The following SPAST variants were observed in gnomAD, a reference collection of about 807,000 sequenced individuals.
The protein encoded by SPAST is spastic paraplegia 4 (autosomal dominant; spastin).
Under a neutral mutation model 76.6 loss-of-function variants are expected in SPAST, and 30 were observed. The ratio of observed to expected loss-of-function variants is 0.39; its 90% CI spans 0.29 to 0.53. The LOEUF is 0.53. Ranked by LOEUF, SPAST falls within the 20% of genes least tolerant of loss-of-function variation. The probability of loss-of-function intolerance (pLI) is 0.68; values close to 1 mark genes in which losing one functional copy is unlikely to be tolerated. For synonymous variants in SPAST, 305 were observed against 281.0 expected, an observed-to-expected ratio of 1.09 and a Z score of -0.86; for missense variants, 717 against 770.5, an observed-to-expected ratio of 0.93 and a Z score of 0.82.
At chr2:32,075,045 T>G (rs1227154572) in intron 1 of SPAST, among the ~76,000 whole-genome samples, 2 of 152,138 alleles carry the variant, frequency 1.3e-5, no homozygotes, top group African/African-American at 2.4e-5. Flanking sequence ...AGAACATTGT[T>G]AACTCTTCGT....
chr2:32,151,866 G>A (rs891713668), intron 16 of SPAST, among the ~76,000 whole-genome samples: 3 of 150,332 alleles, frequency 2.0e-5, no homozygotes, highest in South Asian at 2.1e-4. Context: ...AGCTGAGATC[G>A]TACCACTGCA....
intron 3 of SPAST, among the ~76,000 whole-genome samples, chr2:32,090,145 G>C (rs980104947): frequency 6.6e-6 from 1 of 152,180 alleles, no homozygotes. Context: ...TTTATACCAA[G>C]GGCTAGCAAA....
chr2:32,148,774 G>A (rs1679978666), intron 16 of SPAST, among the ~76,000 whole-genome samples: 1 of 149,868 alleles, frequency 6.7e-6, no homozygotes, highest in Admixed American at 6.7e-5. Context: ...TCGTGCCACT[G>A]CACTCCAGCC....
intron 4 of SPAST, among the ~76,000 whole-genome samples, chr2:32,104,942 T>C (rs987642758): frequency 1.3e-5 from 2 of 152,222 alleles, no homozygotes; most frequent in South Asian, 2.1e-4. Flanking sequence ...GGAGTTGCTC[T>C]TCTTGAGTAG....
At chr2:32,083,741 T>TTA in intron 1 of SPAST, among the ~76,000 whole-genome samples, 1 of 57,142 alleles carries the variant, frequency 1.8e-5, no homozygotes, top group Non-Finnish European at 3.2e-5. Context: ...CTATATATAT[T>TTA]TATATATACT....
At chr2:32,079,104 G>C (rs550505163) in intron 1 of SPAST, among the ~76,000 whole-genome samples, 1 of 152,072 alleles carries the variant, frequency 6.6e-6, no homozygotes, top group Non-Finnish European at 1.5e-5. Flanking sequence ...GCCTCCCGAA[G>C]TGTTGAGAGA....
chr2:32,130,082 G>C (rs557850011), intron 9 of SPAST: 3 of 152,436 alleles, frequency 2.0e-5, no homozygotes, highest in East Asian at 3.9e-4. Context: ...GATTGCTTGA[G>C]GCCAGGAGTT....
chr2:32,110,105 TTTTTTTTTTTTGTTTTTTTTG>T (rs1678488894), intron 4 of SPAST, among the ~76,000 whole-genome samples: 1 of 51,168 alleles, frequency 2.0e-5, no homozygotes, highest in Admixed American at 2.0e-4. Context: ...GTTTTTTTTG[TTTTTTTTTTTTGTTTTTTTTG>T]TTTTTTTTTG....
At chr2:32,091,110 G>A (rs1677696758) in intron 3 of SPAST, among the ~76,000 whole-genome samples, 1 of 151,826 alleles carries the variant, frequency 6.6e-6, no homozygotes, top group Non-Finnish European at 1.5e-5. Context: ...ACATATGAGT[G>A]GCTCTACCAT....
At chr2:32,148,810 CAA>C (rs372253559) in intron 16 of SPAST, among the ~76,000 whole-genome samples, 6 of 120,642 alleles carry the variant, frequency 5.0e-5, no homozygotes, top group Non-Finnish European at 8.7e-5. Context: ...GACTCCATCT[CAA>C]AAAAAAAAAA....
intron 15 of SPAST, among the ~76,000 whole-genome samples, chr2:32,147,006 T>C (rs1679908719): frequency 6.6e-6 from 1 of 152,096 alleles, no homozygotes; most frequent in Non-Finnish European, 1.5e-5. Context: ...TGCAAGAAAT[T>C]GAACACTTTC....
At chr2:32,095,090 G>A (rs928184147) in intron 3 of SPAST, among the ~76,000 whole-genome samples, 2 of 152,208 alleles carry the variant, frequency 1.3e-5, no homozygotes, top group African/African-American at 4.8e-5. Flanking sequence ...AGAGCAATTA[G>A]GACACTGTTA....
intron 8 of SPAST, chr2:32,128,109 G>A (rs1406171248): frequency 8.6e-6 from 3 of 347,616 alleles, no homozygotes; most frequent in Non-Finnish European, 1.6e-5. Context: ...ATTCTGCCAC[G>A]TCAGCTTCCT....
chr2:32,072,994 C>G (rs1676812771), intron 1 of SPAST, among the ~76,000 whole-genome samples: 2 of 152,232 alleles, frequency 1.3e-5, no homozygotes, highest in African/African-American at 4.8e-5. Context: ...CACATTTTTT[C>G]TCAAGATTAT....
At chr2:32,081,781 CAAAAAAAAAAAA>C (rs34078147) in intron 1 of SPAST, among the ~76,000 whole-genome samples, 1 of 44,388 alleles carries the variant, frequency 2.3e-5, no homozygotes, top group Non-Finnish European at 4.0e-5. Context: ...GAGACACTGT[CAAAAAAAAAAAA>C]AAAAAAAAAA....
chr2:32,115,537 G>C (rs891140915), intron 5 of SPAST, among the ~76,000 whole-genome samples, 165 bp from the exon 6 acceptor site: 1 of 151,966 alleles, frequency 6.6e-6, no homozygotes, highest in African/African-American at 2.4e-5. Context: ...TAGTTCTCTA[G>C]TGAATACAGT....
intron 1 of SPAST, among the ~76,000 whole-genome samples, chr2:32,080,315 G>A (rs1333705984): frequency 6.6e-6 from 1 of 151,610 alleles, no homozygotes; most frequent in African/African-American, 2.4e-5. Context: ...AAGCTCTGCA[G>A]CATAACTACT....
At chr2:32,103,013 A>G (rs1480184322) in intron 4 of SPAST, among the ~76,000 whole-genome samples, 9 of 152,274 alleles carry the variant, frequency 5.9e-5, no homozygotes, top group Admixed American at 1.3e-4. Flanking sequence ...CTCTTTTTCT[A>G]TTGATTGGAA....
chr2:32,103,725 C>T (rs1029436608), intron 4 of SPAST, among the ~76,000 whole-genome samples: 7 of 152,070 alleles, frequency 4.6e-5, no homozygotes, highest in Non-Finnish European at 1.5e-5. Flanking sequence ...TTCTTATATA[C>T]CCAGTAGTCA....
Sources: gnomAD v4.1 joint callset for allele counts (sites outside exome capture counted in the v4.1 genomes callset) on GRCh38, gnomAD v4.1.1 for gene constraint, MANE v1.5 for transcripts, NCBI Gene and HGNC (gene_info 2026-07-23, HGNC 2026-07-21) for gene names.